Variants in PRKG1 observed in about 807,000 individuals in gnomAD.
The protein encoded by PRKG1 is cGMP-dependent protein kinase 1.
Under a neutral mutation model 88.1 loss-of-function variants are expected in PRKG1, and 35 were observed. The ratio of observed to expected loss-of-function variants is 0.40; its 90% confidence interval spans 0.30 to 0.53. The LOEUF is 0.53. PRKG1 is among the 20% of genes least tolerant of loss of function. The pLI, the probability that PRKG1 is intolerant of heterozygous loss-of-function variation, is 0.59. For missense variants in PRKG1, 540 were observed against 839.8 expected, an observed-to-expected ratio of 0.64 and a Z score of 4.41; for synonymous variants, 303 against 292.5, an observed-to-expected ratio of 1.04 and a Z score of -0.37.
chr10:51,542,941 CATAG>C (rs1255113761), intron 3 of PRKG1, among the ~76,000 whole-genome samples: 1 of 152,144 alleles, frequency 6.6e-6, no homozygotes. Context: ...TAAATGACAA[CATAG>C]GAACGTGGGG....
intron 2 of PRKG1, among the ~76,000 whole-genome samples, chr10:51,393,922 G>A (rs1256092729): frequency 6.6e-6 from 1 of 152,100 alleles, no homozygotes; most frequent in East Asian, 1.9e-4. Flanking sequence ...ATGTTAGTTA[G>A]AAGTAAACAT....
rs929677483 is a variant in PRKG1, at chr10:51,943,195, A to G, written c.762+35625A>G. Among the ~76,000 whole-genome samples, 19 of 151,856 alleles carry G rather than the reference A, an allele frequency of 1.3e-4. 1 individual carries two copies. The highest frequency in any genetic ancestry group is 2.5e-4 in the Non-Finnish European group (17 of 67,984). On this transcript the variant is annotated intron_variant, in intron 5 of 17. Transcript: ENST00000373980. ...TCCCTTGGAAGTTGGATTCCTAGGT[A>G]TTTTATTCTCTTTGAAGCAATTGTG... is the stretch of plus-strand genomic sequence containing the variant.
intron 5 of PRKG1, among the ~76,000 whole-genome samples, chr10:52,036,069 G>A (rs1159415785): frequency 6.6e-6 from 1 of 152,164 alleles, no homozygotes; most frequent in Non-Finnish European, 1.5e-5. Flanking sequence ...ATTATGCTGA[G>A]ATAGGTAACA....
At chr10:51,464,154 C>A (rs1839820647) in intron 2 of PRKG1, among the ~76,000 whole-genome samples, 1 of 151,984 alleles carries the variant, frequency 6.6e-6, no homozygotes, top group African/African-American at 2.4e-5. Flanking sequence ...GTGGCATGTG[C>A]CTGTAATCCC....
At chr10:51,453,015 C>G (rs1369133655) in intron 2 of PRKG1, among the ~76,000 whole-genome samples, 3 of 151,892 alleles carry the variant, frequency 2.0e-5, no homozygotes, top group African/African-American at 7.2e-5. Flanking sequence ...CTGGTTTAAT[C>G]TAGGAGGTTT....
intron 4 of PRKG1, among the ~76,000 whole-genome samples, chr10:51,829,326 A>T (rs184718854): frequency 5.4e-4 from 82 of 152,316 alleles, no homozygotes; most frequent in Middle Eastern, 3.4e-3. Flanking sequence ...TGATAAGTCA[A>T]GCTCACACTC....
At chr10:51,983,191 C>A (rs1391516516) in intron 5 of PRKG1, among the ~76,000 whole-genome samples, 4 of 152,016 alleles carry the variant, frequency 2.6e-5, no homozygotes, top group Non-Finnish European at 5.9e-5. Flanking sequence ...TCTTTCCTGC[C>A]AAGGCTTTGA....
intron 2 of PRKG1, among the ~76,000 whole-genome samples, chr10:51,154,239 CT>C (rs901215278): frequency 6.6e-6 from 1 of 151,896 alleles, no homozygotes; most frequent in African/African-American, 2.4e-5. Flanking sequence ...AGAAGATATT[CT>C]TTCTTTCTGC....
At chr10:51,621,917 G>A (rs1230380248) in intron 3 of PRKG1, among the ~76,000 whole-genome samples, 5 of 152,102 alleles carry the variant, frequency 3.3e-5, no homozygotes, top group Admixed American at 3.3e-4. Context: ...TTGGACTCTT[G>A]ATTCGGTTCC....
chr10:52,200,393 T>C (rs542852327), intron 9 of PRKG1, among the ~76,000 whole-genome samples: 1 of 152,348 alleles, frequency 6.6e-6, no homozygotes, highest in South Asian at 2.1e-4. Context: ...CATGATCTCA[T>C]TCTTTTTATG....
intron 1 of PRKG1, among the ~76,000 whole-genome samples, chr10:51,049,085 G>A (rs1175678864): frequency 6.6e-6 from 1 of 152,108 alleles, no homozygotes; most frequent in Admixed American, 6.5e-5. Context: ...ACAGGGCCGG[G>A]AAAGGAAGAG....
chr10:51,827,120 A>G (rs1448550468), intron 4 of PRKG1, among the ~76,000 whole-genome samples: 1 of 152,198 alleles, frequency 6.6e-6, no homozygotes. Flanking sequence ...ATTCAAGACA[A>G]AGAAAAACAA....
chr10:51,046,647 C>T (rs116207348), intron 1 of PRKG1, among the ~76,000 whole-genome samples: 34 of 152,254 alleles, frequency 2.2e-4, no homozygotes, highest in African/African-American at 6.0e-4. Context: ...CACTACACAT[C>T]GAGGGACTGT....
chr10:51,170,400 C>T (rs182887685), intron 2 of PRKG1, among the ~76,000 whole-genome samples: 147 of 151,154 alleles, frequency 9.7e-4, no homozygotes, highest in Non-Finnish European at 1.0e-4. Context: ...AACACTCAAT[C>T]AGTAGTTCAC....
chr10:51,855,674 G>C (rs2132816680), intron 4 of PRKG1, among the ~76,000 whole-genome samples: 1 of 152,266 alleles, frequency 6.6e-6, no homozygotes, highest in African/African-American at 2.4e-5. Flanking sequence ...AAAATAAGGT[G>C]ACCAATTGTC....
At chr10:51,838,773 A>C (rs56061052) in intron 4 of PRKG1, among the ~76,000 whole-genome samples, 2,021 of 152,242 alleles carry the variant, frequency 0.013, 57 homozygotes, top group African/African-American at 0.047. Context: ...GAAAAAAAAA[A>C]TCACGCTACC....
chr10:51,794,314 T>C (rs1419713598), intron 3 of PRKG1, among the ~76,000 whole-genome samples: 1 of 151,866 alleles, frequency 6.6e-6, no homozygotes, highest in Non-Finnish European at 1.5e-5. Context: ...AGACAGAAAA[T>C]CAATAAAGAA....
intron 8 of PRKG1, among the ~76,000 whole-genome samples, chr10:52,161,198 G>A (rs1413248870): frequency 6.6e-6 from 1 of 151,986 alleles, no homozygotes; most frequent in African/African-American, 2.4e-5. Context: ...CACAATTGAT[G>A]ATGCTTCACT....
chr10:51,074,562 G>C lies in PRKG1; in HGVS notation c.-29G>C, dbSNP rs201816168. ...AGCCTCAAGACGCGGAGCAGCGGCA[G>C]GAAGGAGCCCCCGGCAGCCCGGAGG... On this transcript the variant is annotated 5_prime_UTR_variant, in exon 1 of 18. Transcript: ENST00000373980. 1.3e-6 allele frequency: 2 copies of C among 1,593,404 alleles called. No homozygotes were observed. The highest frequency in any genetic ancestry group is 4.5e-5 in the East Asian group (2 of 44,310).
Sources: allele counts gnomAD v4.1 joint callset (sites outside exome capture counted in the v4.1 genomes callset), GRCh38; gene constraint gnomAD v4.1.1; transcripts MANE v1.5; gene names NCBI Gene and HGNC (gene_info 2026-07-23, HGNC 2026-07-21).